The following FAM76A variants were observed in gnomAD, a reference collection of about 807,000 sequenced individuals.
FAM76A encodes the protein protein FAM76A.
In FAM76A, 32 loss-of-function variants were observed where a neutral mutation model predicts 46.2. That is an observed-to-expected ratio of 0.69 (90% CI 0.52 to 0.93). The LOEUF (loss-of-function observed/expected upper bound fraction) is 0.93, where lower values mean the gene tolerates loss of function less well. Among genes scored for constraint, FAM76A ranks in the 40% least tolerant of loss-of-function variants. The pLI, the probability that FAM76A is intolerant of heterozygous loss-of-function variation, is 0.00. For missense variants in FAM76A, 274 were observed against 361.5 expected (o/e 0.76, Z 1.96); for synonymous variants, 137 against 127.0 (o/e 1.08, Z -0.53).
chr1:27,752,254 CCTT>C (rs1467967959), intron 6 of FAM76A, among the ~76,000 whole-genome samples: 6 of 151,986 alleles, frequency 3.9e-5, no homozygotes, highest in Non-Finnish European at 8.8e-5. Flanking sequence ...TATCCATTAG[CCTT>C]CTATTTTTTT....
At position 27,760,764 on chromosome 1, in the gene FAM76A, C is replaced by T. The variant is rs961112824; in HGVS notation, c.*183C>T. 3 of 323,396 alleles carry T rather than the reference C, an allele frequency of 9.3e-6. No homozygotes were observed. The highest frequency in any genetic ancestry group is 1.8e-5 in the Non-Finnish European group (3 of 167,188). The allele number at this position is 323,396 out of a possible 1,614,324, so 20.0% of individuals were successfully genotyped here. On this transcript the variant is annotated 3_prime_UTR_variant, in exon 9 of 9. Transcript: ENST00000373954. ...ACCTGGTTTGTGCTGTGTTAGACTG[C>T]ATGCTTGAGTGTTTGGGATTTCAAG...
At chr1:27,731,198 A>ATTTTTT (rs34236376) in intron 2 of FAM76A, among the ~76,000 whole-genome samples, 1 of 109,820 alleles carries the variant, frequency 9.1e-6, no homozygotes, top group Non-Finnish European at 2.0e-5. Context: ...AGAAATCAGA[A>ATTTTTT]TTTTTTTTTT....
chr1:27,730,682 C>T (rs1196685494), intron 2 of FAM76A, among the ~76,000 whole-genome samples: 1 of 152,156 alleles, frequency 6.6e-6, no homozygotes, highest in Non-Finnish European at 1.5e-5. Flanking sequence ...TTAAAAGTAA[C>T]AGAAAATTGC....
chr1:27,748,219 G>A (rs909304929), intron 5 of FAM76A, among the ~76,000 whole-genome samples: 5 of 137,140 alleles, frequency 3.6e-5, no homozygotes, highest in African/African-American at 1.1e-4. Context: ...TCTGCCTCCC[G>A]GGTTCACGCC....
At chr1:27,732,940 GT>G (rs896245252) in intron 3 of FAM76A, among the ~76,000 whole-genome samples, 45 of 140,554 alleles carry the variant, frequency 3.2e-4, no homozygotes, top group Admixed American at 2.9e-4. Context: ...TTTTGTTTTT[GT>G]TTTTTTTTTT....
chr1:27,727,761 C>T (rs1187980464), intron 2 of FAM76A, among the ~76,000 whole-genome samples: 1 of 148,380 alleles, frequency 6.7e-6, no homozygotes, highest in East Asian at 2.0e-4. Context: ...GTATATAATA[C>T]ATGTATTGTT....
At chr1:27,759,452 A>G (rs2088466659) in intron 7 of FAM76A, 74 bp from the exon 8 acceptor site, 1 of 980,062 alleles carries the variant, frequency 1.0e-6, no homozygotes, top group East Asian at 2.5e-5. Context: ...TTGGGTGACC[A>G]TTTAGCTCTC....
At chr1:27,759,985 C>T (rs2088479134) in intron 8 of FAM76A, 2 of 458,274 alleles carry the variant, frequency 4.4e-6, no homozygotes, top group Non-Finnish European at 8.7e-6. Context: ...ATTGCCTGGG[C>T]TAGTCTTGAA....
intron 8 of FAM76A, 101 bp downstream of exon 8, chr1:27,759,728 C>T: frequency 3.8e-6 from 3 of 787,552 alleles, no homozygotes; most frequent in East Asian, 3.0e-5. Context: ...TCTTTTTTTT[C>T]TCAAAGTATT....
chr1:27,747,636 G>T (rs2088261803), intron 5 of FAM76A, among the ~76,000 whole-genome samples: 1 of 152,206 alleles, frequency 6.6e-6, no homozygotes. Flanking sequence ...AACTAGACTG[G>T]CCGGGTGTGG....
intron 4 of FAM76A, among the ~76,000 whole-genome samples, chr1:27,737,913 G>GGC (rs1035229541): frequency 8.0e-5 from 12 of 149,430 alleles, no homozygotes; most frequent in Non-Finnish European, 1.6e-4. Context: ...AAATTAGCCA[G>GGC]GCGTGGTGGT....
chr1:27,751,099 G>C (rs115023215), intron 6 of FAM76A, among the ~76,000 whole-genome samples: 5,755 of 152,082 alleles, frequency 0.038, 364 homozygotes, highest in African/African-American at 0.13. Flanking sequence ...GCTGCAGTGA[G>C]CCATGATTGC....
intron 5 of FAM76A, among the ~76,000 whole-genome samples, chr1:27,746,034 A>C (rs979615118): frequency 1.3e-5 from 2 of 152,136 alleles, no homozygotes; most frequent in African/African-American, 4.8e-5. Flanking sequence ...ATTAACCCTG[A>C]CTACTAGTGT....
At chr1:27,731,471 G>T (rs1470711477) in intron 2 of FAM76A, among the ~76,000 whole-genome samples, 1 of 152,058 alleles carries the variant, frequency 6.6e-6, no homozygotes, top group Non-Finnish European at 1.5e-5. Context: ...CTCCCAAAGT[G>T]CTGGGATTAC....
chr1:27,739,219 G>A (rs143761244), intron 4 of FAM76A: 58 of 473,666 alleles, frequency 1.2e-4, no homozygotes, highest in East Asian at 9.1e-4. Flanking sequence ...CCTATTGTAT[G>A]CATGCTGAAC....
In FAM76A at chr1:27,744,827, A is replaced by C. The variant is rs200030203; in HGVS notation, c.512+16A>C. ...ATTATAACAGGTAACCTCAAGACACATGAGATGGGACTAGAAGTGCTGGTA... is the reference window on the plus strand; with the variant it reads ...ATTATAACAGGTAACCTCAAGACACCTGAGATGGGACTAGAAGTGCTGGTA... On this transcript the variant is annotated intron_variant, in intron 5 of 8. Coordinates refer to ENST00000373954, the MANE Select transcript of FAM76A (RefSeq NM_152660.3). 6.2e-7 allele frequency: 1 copy of C among 1,610,942 alleles called. No homozygotes were observed. The highest frequency in any genetic ancestry group is 2.2e-5 in the East Asian group (1 of 44,814).
chr1:27,748,608 C>T (rs144804785), intron 5 of FAM76A, among the ~76,000 whole-genome samples: 2,078 of 150,018 alleles, frequency 0.014, 61 homozygotes, highest in African/African-American at 0.047. Flanking sequence ...CAGCCTCCTG[C>T]GTAGCTGGGA....
At chr1:27,756,830 C>G (rs2088417665) in intron 7 of FAM76A, among the ~76,000 whole-genome samples, 1 of 151,926 alleles carries the variant, frequency 6.6e-6, no homozygotes, top group Admixed American at 6.6e-5. Flanking sequence ...GAGGCTGAAG[C>G]AGGCAGATTG....
intron 6 of FAM76A, among the ~76,000 whole-genome samples, chr1:27,751,763 A>G (rs1337662762): frequency 1.3e-5 from 2 of 151,866 alleles, no homozygotes; most frequent in Non-Finnish European, 2.9e-5. Flanking sequence ...TGGCCTCCCA[A>G]AGTGCTGGGA....
Sources: gnomAD v4.1 joint callset for allele counts (sites outside exome capture counted in the v4.1 genomes callset) on GRCh38, gnomAD v4.1.1 for gene constraint, MANE v1.5 for transcripts, NCBI Gene and HGNC (gene_info 2026-07-23, HGNC 2026-07-21) for gene names.